The following TBC1D16 variants were observed in gnomAD, a reference collection of about 807,000 sequenced individuals.
TBC1D16 encodes the protein TBC1 domain family member 16.
TBC1D16 carries 58 observed loss-of-function variants against 74.7 expected under a neutral mutation model. The ratio of observed to expected loss-of-function variants is 0.78; its 90% CI spans 0.63 to 0.97. The LOEUF is 0.97. TBC1D16 is among the 50% of genes least tolerant of loss of function. The pLI is 0.00. For missense variants in TBC1D16, 1,014 were observed against 1,079.5 expected (o/e 0.94, Z 0.85); for synonymous variants, 493 against 474.7 (o/e 1.04, Z -0.50).
chr17:80,003,208 G>A (rs558660125), intron 3 of TBC1D16, among the ~76,000 whole-genome samples: 4 of 152,324 alleles, frequency 2.6e-5, no homozygotes, highest in Non-Finnish European at 5.9e-5. Context: ...GCGCCAACCC[G>A]CTTGGACTGA....
chr17:79,976,921 G>T (rs1489516976), intron 3 of TBC1D16, among the ~76,000 whole-genome samples: 1 of 152,198 alleles, frequency 6.6e-6, no homozygotes, highest in Admixed American at 6.5e-5. Context: ...CGCAGCCCAG[G>T]TGAGGCCTGC....
intron 1 of TBC1D16, among the ~76,000 whole-genome samples, chr17:80,019,163 A>C (rs1374275424): frequency 6.7e-6 from 1 of 150,212 alleles, no homozygotes; most frequent in Non-Finnish European, 1.5e-5. Context: ...ATGTTTTGCC[A>C]GCACTGAGGA....
In TBC1D16 at chr17:79,944,474, G is replaced by A. The variant is rs550893941; in HGVS notation, c.1908+434C>T. Among the ~76,000 whole-genome samples the A allele has an allele frequency of 6.6e-6, 1 of 152,330 alleles. No homozygotes were observed. Among genetic ancestry groups the A allele is most frequent in the African/African-American group, 2.4e-5 (1 of 41,588 alleles). On this transcript the variant is annotated intron_variant, in intron 10 of 11. Coordinates refer to ENST00000310924, the MANE Select transcript of TBC1D16 (RefSeq NM_019020.4). This position sits in a 1 kb window ranked among gnomAD's most constrained non-coding sequence, Gnocchi z 7.7. ...GGGGCCCTCTGGAGGGGCCGACAGGGAAGTGGGATCTCAGGCCCTTTCTCT... is the reference window on the plus strand; with the variant it reads ...GGGGCCCTCTGGAGGGGCCGACAGGAAAGTGGGATCTCAGGCCCTTTCTCT...
At chr17:80,033,810 T>C (rs1050730382) in intron 1 of TBC1D16, among the ~76,000 whole-genome samples, 7 of 152,236 alleles carry the variant, frequency 4.6e-5, no homozygotes, top group Admixed American at 2.0e-4. Context: ...GGGGATGCTT[T>C]CCATACTGAA....
In TBC1D16 at chr17:79,971,047, G is replaced by C. The variant is rs149453000; in HGVS notation, c.780-18229C>G. ...TTATTTTTTATTTTTTTTTGAGATG[G>C]AGTCTGTCTCCATTGCCCAGGCTGG... On this transcript the variant is annotated intron_variant, in intron 3 of 11. Transcript: ENST00000310924. This position sits in a 1 kb window ranked among gnomAD's most constrained non-coding sequence, Gnocchi z 4.6. Among the ~76,000 whole-genome samples, 162 of 151,448 alleles carry C rather than the reference G, an allele frequency of 1.1e-3. No homozygotes were observed. The highest frequency in any genetic ancestry group is 3.6e-3 in the African/African-American group (150 of 41,276).
chr17:80,017,822 C>T (rs937579962), intron 1 of TBC1D16, among the ~76,000 whole-genome samples: 2 of 152,104 alleles, frequency 1.3e-5, no homozygotes, highest in African/African-American at 4.8e-5. Context: ...GGGGATTCTT[C>T]TCCACCTATC....
chr17:80,021,852 GCA>G (rs1271960136), intron 1 of TBC1D16, among the ~76,000 whole-genome samples: 1 of 150,020 alleles, frequency 6.7e-6, no homozygotes, highest in Non-Finnish European at 1.5e-5. Flanking sequence ...ACACACCCAG[GCA>G]CACACACTAT....
rs1488138712 is a variant in TBC1D16, at chr17:79,954,519, G to A, written c.780-1701C>T. On this transcript the variant is annotated intron_variant, in intron 3 of 11. Coordinates refer to ENST00000310924, the MANE Select transcript of TBC1D16 (RefSeq NM_019020.4). This position sits in a 1 kb window ranked among gnomAD's most constrained non-coding sequence, Gnocchi z 5.5. The stretch of plus-strand genomic sequence containing the variant: ...GTAAAACTAGATCAGAGATGGGCAT[G>A]TGGGGCCATCACCTGAACTGCCGTG... 1.3e-5 allele frequency among the ~76,000 whole-genome samples: 2 copies of A among 152,210 alleles called. No individual in the cohort carries two copies. Among genetic ancestry groups the A allele is most frequent in the Admixed American group, 1.3e-4 (2 of 15,292 alleles).
chr17:79,963,021 G>C (rs910519333), intron 3 of TBC1D16, among the ~76,000 whole-genome samples: 10 of 149,638 alleles, frequency 6.7e-5, no homozygotes, highest in Non-Finnish European at 1.5e-5. Context: ...TTGCACTCCA[G>C]CCTGGGCAAC....
At chr17:80,024,151 CG>C (rs2143197856) in intron 1 of TBC1D16, 1 of 107,340 alleles carries the variant, frequency 9.3e-6, no homozygotes, top group South Asian at 3.0e-4. Flanking sequence ...CCCGCAGCCC[CG>C]GCCCCAACCA....
rs1173930705 is a variant in TBC1D16, at chr17:79,987,917, C to T, written c.779+22243G>A. On this transcript the variant is annotated intron_variant, in intron 3 of 11. Transcript: ENST00000310924. This position sits in a 1 kb window ranked among gnomAD's most constrained non-coding sequence, Gnocchi z 5.2. ...GGAGATGCAGAGGCTCAGAAAAACCCTCCGAGGCTCTCGGATTTTACGCCT... is the reference window on the plus strand; with the variant it reads ...GGAGATGCAGAGGCTCAGAAAAACCTTCCGAGGCTCTCGGATTTTACGCCT... 6.6e-6 allele frequency among the ~76,000 whole-genome samples: 1 copy of T among 152,050 alleles called. No individual in the cohort carries two copies. The highest frequency in any genetic ancestry group is 6.6e-5 in the Admixed American group (1 of 15,264).
chr17:80,010,202 A>G lies in TBC1D16; in HGVS notation c.737T>C (p.Leu246Pro), dbSNP rs534772042. 2 of 1,612,200 alleles carry G rather than the reference A, an allele frequency of 1.2e-6. No homozygotes were observed. Among genetic ancestry groups the G allele is most frequent in the South Asian group, 2.2e-5 (2 of 90,868 alleles). ...AAACACGGAGCCGCGGCTCTCGGCC[A>G]GCGCCGCGCTGATGGGCGAGAGGCA... is the stretch of plus-strand genomic sequence containing the variant. ...PFCLSPISAA[L>P]AESRGSVFLE... The change falls in exon 3 of 12, where the codon CTG becomes CCG. Residue 246 changes from leucine to proline, a missense_variant. By Grantham distance (98) the Leu-to-Pro change is moderately conservative. Transcript: ENST00000310924. The surrounding 1 kb of genome is among the most constrained non-coding windows in gnomAD (Gnocchi z 8.8).
rs971528317 is a variant in TBC1D16 at position 79,979,028 on chromosome 17, AT to A, written c.780-26211del. Among the ~76,000 whole-genome samples the A allele has an allele frequency of 5.7e-4, 86 of 152,180 alleles. 1 individual carries two copies. The highest frequency in any genetic ancestry group is 1.9e-3 in the African/African-American group (80 of 41,514). On this transcript the variant is annotated intron_variant, in intron 3 of 11. Transcript: ENST00000310924. The surrounding 1 kb of genome is among the most constrained non-coding windows in gnomAD (Gnocchi z 4.8). ...TTTTCTGAACCCAAAAAGAATGTTT[AT>A]TTTTTTTCCCCTAGATTTTATAGGA...
In TBC1D16 at chr17:79,990,417, T is replaced by C. The variant is rs1338604241; in HGVS notation, c.779+19743A>G. On this transcript the variant is annotated intron_variant, in intron 3 of 11. Transcript: ENST00000310924. This position sits in a 1 kb window ranked among gnomAD's most constrained non-coding sequence, Gnocchi z 4.8. ...CTGGGCAGCCACCTCCCACGTGATT[T>C]CCCAATGCTTGAAGTTCACGACCAA... Among the ~76,000 whole-genome samples the C allele has an allele frequency of 6.6e-6, 1 of 152,160 alleles. No homozygotes were observed. Among genetic ancestry groups the C allele is most frequent in the Non-Finnish European group, 1.5e-5 (1 of 68,026 alleles).
chr17:79,984,988 A>C (rs1020536054), intron 3 of TBC1D16, among the ~76,000 whole-genome samples: 2 of 139,104 alleles, frequency 1.4e-5, no homozygotes, highest in African/African-American at 5.4e-5. Context: ...AGCATTTCCC[A>C]GGGCTGCTGT....
intron 3 of TBC1D16, among the ~76,000 whole-genome samples, chr17:79,989,099 T>C (rs991574532): frequency 6.6e-6 from 1 of 152,222 alleles, no homozygotes. Context: ...CTGTCAATCC[T>C]TCTCAGGGCT....
chr17:79,944,968 C>A lies in TBC1D16; in HGVS notation c.1848G>T (p.Lys616Asn), dbSNP rs916666500. 2 of 1,560,088 alleles carry A rather than the reference C, an allele frequency of 1.3e-6. No homozygotes were observed. The highest frequency in any genetic ancestry group is 1.7e-6 in the Non-Finnish European group (2 of 1,151,756). ...GCGCTTCGGCCTCGGGGAACTCCCGCTTGAAGCACAGAAGGAGCCAGCGGT... is the reference window on the plus strand; with the variant it reads ...GCGCTTCGGCCTCGGGGAACTCCCGATTGAAGCACAGAAGGAGCCAGCGGT... Reference protein sequence around the residue: ...FCHRWLLLCFKREFPEAEALR... With the variant: ...FCHRWLLLCFNREFPEAEALR... Residue 616 changes from lysine to asparagine, a missense_variant, in exon 10 of 12, where the codon AAG becomes AAT. By Grantham distance (94) the Lys-to-Asn change is moderately conservative. Coordinates refer to ENST00000310924, the MANE Select transcript of TBC1D16 (RefSeq NM_019020.4). The surrounding 1 kb of genome is among the most constrained non-coding windows in gnomAD (Gnocchi z 7.7).
At chr17:79,952,841 G>C in intron 3 of TBC1D16, 23 bp from the exon 4 acceptor site, 1 of 1,587,916 alleles carries the variant, frequency 6.3e-7, no homozygotes, top group Non-Finnish European at 8.6e-7. Context: ...GTTATGTGAT[G>C]ATCGCCACAC....
chr17:80,012,583 T>C (rs2035934541), intron 2 of TBC1D16, among the ~76,000 whole-genome samples: 1 of 152,200 alleles, frequency 6.6e-6, no homozygotes, highest in African/African-American at 2.4e-5. Context: ...TATAACTTTT[T>C]TTTTTTTAAT....
Sources: allele counts gnomAD v4.1 joint callset (sites outside exome capture counted in the v4.1 genomes callset), GRCh38; gene constraint gnomAD v4.1.1; non-coding constraint Gnocchi (gnomAD v3.1); transcripts MANE v1.5; gene names NCBI Gene and HGNC (gene_info 2026-07-23, HGNC 2026-07-21).